RXRA: variants seen among roughly 807,000 people sequenced by gnomAD.
The protein encoded by RXRA is retinoic acid receptor RXR-alpha.
In RXRA, 5 loss-of-function variants were observed where a neutral mutation model predicts 44.5. That is an observed-to-expected ratio of 0.11 (90% confidence interval 0.06 to 0.24). RXRA has a LOEUF of 0.24. Among genes scored for constraint, RXRA ranks in the 10% least tolerant of loss-of-function variants. The pLI, the probability that RXRA is intolerant of heterozygous loss-of-function variation, is 1.00. For synonymous variants in RXRA, 291 were observed against 271.4 expected (o/e 1.07, Z -0.71); for missense variants, 412 against 646.5 (o/e 0.64, Z 3.93).
intron 1 of RXRA, among the ~76,000 whole-genome samples, chr9:134,355,198 A>C (rs1271713721): frequency 6.6e-6 from 1 of 152,198 alleles, no homozygotes; most frequent in Non-Finnish European, 1.5e-5. Flanking sequence ...TGGGAAATGC[A>C]GGCCCAGTTG....
chr9:134,421,871 CCCCTCCCGGGATACTCCG>C lies in RXRA; in HGVS notation c.910+68_910+85del, dbSNP rs759917849. The C allele has an allele frequency of 3.8e-6, 6 of 1,586,120 alleles. No homozygotes were observed. In the African/African-American group the frequency reaches 8.1e-5, roughly 21 times the overall value. ...GATGGGACACGTACCAGGACACTCC[CCCCTCCCGGGATACTCCG>C]CACTCCCGGGACACTCCCCTGTCCT... On this transcript the variant is annotated intron_variant, in intron 6 of 9. Coordinates refer to ENST00000481739, the MANE Select transcript of RXRA (RefSeq NM_002957.6).
intron 5 of RXRA, among the ~76,000 whole-genome samples, chr9:134,421,255 G>A (rs563419394): frequency 6.6e-6 from 1 of 152,340 alleles, no homozygotes; most frequent in African/African-American, 2.4e-5. Context: ...GGCTCCTGGA[G>A]GCTCTGCTGG....
Position 134,343,880 on chromosome 9 carries a change from G to A in RXRA, c.28+17221G>A, listed in dbSNP as rs781786964. ...CTGGGTCAGCAGATGGGCTCCTCTG[G>A]CGTCTTCTCACCTTCTGGCCGGTCA... On this transcript the variant is annotated intron_variant, in intron 1 of 9. Transcript: ENST00000481739. The surrounding 1 kb of genome is among the most constrained non-coding windows in gnomAD (Gnocchi z 4.1). Among the ~76,000 whole-genome samples the A allele has an allele frequency of 3.2e-4, 48 of 152,296 alleles. No individual in the cohort carries two copies. The highest frequency in any genetic ancestry group is 5.0e-4 in the Non-Finnish European group (34 of 68,008).
intron 7 of RXRA, 23 bp from the exon 8 acceptor site, chr9:134,431,882 G>T (rs201518616): frequency 3.2e-5 from 50 of 1,586,094 alleles, no homozygotes; most frequent in African/African-American, 2.8e-4. Context: ...CTGGGATGGG[G>T]TGTCTGCCCT....
chr9:134,364,698 G>T (rs2119068998), intron 1 of RXRA, among the ~76,000 whole-genome samples: 1 of 152,326 alleles, frequency 6.6e-6, no homozygotes, highest in African/African-American at 2.4e-5. Flanking sequence ...CCTAAGCTGG[G>T]CTCTTCCGGG....
chr9:134,403,145 A>G (rs1279146884), intron 2 of RXRA: 1 of 152,330 alleles, frequency 6.6e-6, no homozygotes, highest in African/African-American at 2.4e-5. Context: ...ACTGGGCTGT[A>G]GTTGGGGTCT....
chr9:134,373,268 G>C (rs1033539347), intron 1 of RXRA, among the ~76,000 whole-genome samples: 1 of 152,104 alleles, frequency 6.6e-6, no homozygotes, highest in African/African-American at 2.4e-5. Flanking sequence ...GCTAGGAATG[G>C]CAGTAACAGG....
chr9:134,336,104 C>T (rs552538724), intron 1 of RXRA, among the ~76,000 whole-genome samples: 4 of 152,264 alleles, frequency 2.6e-5, no homozygotes, highest in South Asian at 2.1e-4. Context: ...GGCAGGGAGG[C>T]GGGGCCTTCG....
rs1194809493 is a variant in RXRA, at chr9:134,366,044, C to T, written c.29-35588C>T. On this transcript the variant is annotated intron_variant, in intron 1 of 9. Coordinates refer to ENST00000481739, the MANE Select transcript of RXRA (RefSeq NM_002957.6). The surrounding 1 kb of genome is among the most constrained non-coding windows in gnomAD (Gnocchi z 5.9). ...CCTCCACCCCTGCCTCCACCCCTCC[C>T]TTTTTGGGAGGTGGGGCTTGGCATC... Among the ~76,000 whole-genome samples the T allele has an allele frequency of 6.6e-6, 1 of 152,134 alleles. No homozygotes were observed. Among genetic ancestry groups the T allele is most frequent in the Non-Finnish European group, 1.5e-5 (1 of 68,012 alleles).
intron 1 of RXRA, among the ~76,000 whole-genome samples, chr9:134,338,448 C>T (rs1395127975): frequency 1.3e-5 from 2 of 152,274 alleles, no homozygotes; most frequent in Non-Finnish European, 2.9e-5. Context: ...CTGGGTCCCT[C>T]TGACCTGGGC....
rs1831430551 is a variant in RXRA at position 134,426,099 on chromosome 9, GC to G, written c.911-3007del. ...TGCAGGAGTAAGTTCCTTGGGAAGG[GC>G]CAGCCTCTTGAGTTGGAGGACATAG... On this transcript the variant is annotated intron_variant, in intron 6 of 9. Transcript: ENST00000481739. This position sits in a 1 kb window ranked among gnomAD's most constrained non-coding sequence, Gnocchi z 4.6. The G allele has an allele frequency of 1.0e-6, 1 of 985,290 alleles. No homozygotes were observed. Among genetic ancestry groups the G allele is most frequent in the Non-Finnish European group, 1.2e-6 (1 of 829,926 alleles). The allele number at this position is 985,290 out of a possible 1,614,324, so 61.0% of individuals were successfully genotyped here. A position where few individuals can be genotyped will look rare whatever the true frequency, so the allele number is the denominator to read the frequency against.
rs1221258866 is a variant in RXRA at position 134,426,450 on chromosome 9, A to G, written c.911-2658A>G. 4.1e-6 allele frequency: 4 copies of G among 985,318 alleles called. No individual in the cohort carries two copies. The highest frequency in any genetic ancestry group is 4.8e-6 in the Non-Finnish European group (4 of 829,930). The allele number at this position is 985,318 out of a possible 1,614,324, so 61.0% of individuals were successfully genotyped here. A position where few individuals can be genotyped will look rare whatever the true frequency, so the allele number is the denominator to read the frequency against. On this transcript the variant is annotated intron_variant, in intron 6 of 9. Transcript: ENST00000481739. The surrounding 1 kb of genome is among the most constrained non-coding windows in gnomAD (Gnocchi z 4.6). ...AGAGGAGAAATAACCGAGTGAGGAC[A>G]TCGGGGTGGAGGGACAGGGGACAGG... is the stretch of plus-strand genomic sequence containing the variant.
intron 1 of RXRA, among the ~76,000 whole-genome samples, chr9:134,345,438 C>T (rs1554748650): frequency 6.6e-6 from 1 of 152,204 alleles, no homozygotes; most frequent in Non-Finnish European, 1.5e-5. Context: ...GGCATGGATC[C>T]TCGTGGAGGG....
intron 1 of RXRA, among the ~76,000 whole-genome samples, chr9:134,328,526 A>G (rs192082203): frequency 1.3e-5 from 2 of 152,148 alleles, no homozygotes; most frequent in African/African-American, 4.8e-5. Context: ...CGACCGGCCC[A>G]TGGCCTCCCA....
chr9:134,432,479 A>G (rs1466174979), intron 8 of RXRA, among the ~76,000 whole-genome samples: 6 of 152,176 alleles, frequency 3.9e-5, no homozygotes, highest in South Asian at 2.1e-4. Flanking sequence ...TGAGGAGAGC[A>G]GGGCTTGGGG....
intron 6 of RXRA, chr9:134,424,980 G>A: frequency 1.0e-6 from 1 of 985,488 alleles, no homozygotes; most frequent in Non-Finnish European, 1.2e-6. Context: ...CCCAGTGCTG[G>A]TGGGGGAGGT....
At chr9:134,385,126 C>T (rs1830700332) in intron 1 of RXRA, among the ~76,000 whole-genome samples, 1 of 152,216 alleles carries the variant, frequency 6.6e-6, no homozygotes, top group Admixed American at 6.5e-5. Flanking sequence ...CTGGGCAGGG[C>T]AGCCTGTTGT....
At chr9:134,386,111 G>A (rs952318320) in intron 1 of RXRA, among the ~76,000 whole-genome samples, 1 of 152,242 alleles carries the variant, frequency 6.6e-6, no homozygotes, top group African/African-American at 2.4e-5. Context: ...GAACTGGGCC[G>A]CCGGGCCAGC....
At chr9:134,371,551 C>T (rs1478182109) in intron 1 of RXRA, among the ~76,000 whole-genome samples, 2 of 152,252 alleles carry the variant, frequency 1.3e-5, no homozygotes, top group African/African-American at 4.8e-5. Flanking sequence ...TAGGCCTCGC[C>T]CCTAACAAGC....
Sources: allele counts gnomAD v4.1 joint callset (sites outside exome capture counted in the v4.1 genomes callset), GRCh38; gene constraint gnomAD v4.1.1; non-coding constraint Gnocchi (gnomAD v3.1); transcripts MANE v1.5; gene names NCBI Gene and HGNC (gene_info 2026-07-23, HGNC 2026-07-21).